RALYL: variants seen among roughly 807,000 people sequenced by gnomAD.
RALYL encodes the protein RALY RNA binding protein like.
In RALYL, 29 loss-of-function variants were observed where a neutral mutation model predicts 35.1. That is an observed-to-expected ratio of 0.83 (90% CI 0.61 to 1.13). The LOEUF is 1.13. Ranked by LOEUF, RALYL falls within the 50% of genes most tolerant of loss-of-function variation. The pLI, the probability that RALYL is intolerant of heterozygous loss-of-function variation, is 0.00. For synonymous variants in RALYL, 120 were observed against 127.6 expected, an observed-to-expected ratio of 0.94 and a Z score of 0.40; for missense variants, 359 against 360.4, an observed-to-expected ratio of 1.00 and a Z score of 0.03.
intron 2 of RALYL, among the ~76,000 whole-genome samples, chr8:84,763,043 C>T (rs1813066707): frequency 6.6e-6 from 1 of 152,136 alleles, no homozygotes; most frequent in Non-Finnish European, 1.5e-5. Flanking sequence ...TTGTATACTT[C>T]TCTCCACATG....
chr8:84,301,002 T>A (rs1840665442), intron 1 of RALYL, among the ~76,000 whole-genome samples: 1 of 152,102 alleles, frequency 6.6e-6, no homozygotes, highest in South Asian at 2.1e-4. Context: ...TATGTAAGTG[T>A]GTTTTTGGTG....
At chr8:84,436,330 G>A (rs947570766) in intron 1 of RALYL, among the ~76,000 whole-genome samples, 3 of 152,028 alleles carry the variant, frequency 2.0e-5, no homozygotes, top group Admixed American at 1.3e-4. Context: ...TAGAGAGGAA[G>A]CCAAGAATAA....
intron 1 of RALYL, among the ~76,000 whole-genome samples, chr8:84,326,980 C>T (rs1277809953): frequency 1.3e-5 from 2 of 152,168 alleles, no homozygotes; most frequent in African/African-American, 2.4e-5. Flanking sequence ...AACTAGCTGT[C>T]TCTGCCTCTG....
intron 1 of RALYL, among the ~76,000 whole-genome samples, chr8:84,461,972 C>T (rs2050840887): frequency 6.6e-6 from 1 of 151,654 alleles, no homozygotes; most frequent in Non-Finnish European, 1.5e-5. Context: ...GTGAGTTTTA[C>T]AAATCATAAT....
chr8:84,368,083 C>T (rs1023043016), intron 1 of RALYL, among the ~76,000 whole-genome samples: 32 of 152,150 alleles, frequency 2.1e-4, no homozygotes, highest in Admixed American at 3.3e-4. Flanking sequence ...TCGTGATACA[C>T]GCAGAAGTTT....
intron 2 of RALYL, among the ~76,000 whole-genome samples, chr8:84,651,733 C>T (rs998160865): frequency 2.6e-5 from 4 of 151,852 alleles, no homozygotes; most frequent in South Asian, 2.1e-4. Flanking sequence ...GAGAAATAGA[C>T]TTTTGAGAGA....
rs189770629 is a variant in RALYL at position 84,671,038 on chromosome 8, G to T, written c.257-103541G>T. 4.5e-3 allele frequency among the ~76,000 whole-genome samples: 688 copies of T among 152,270 alleles called. 2 individuals are homozygous for T. The highest frequency in any genetic ancestry group is 7.2e-3 in the Non-Finnish European group (489 of 68,016). ...TAGTTACTTCCTATATACAATGGGG[G>T]TACAGGCATTGGGTAAATACACCTG... On this transcript the variant is annotated intron_variant, in intron 2 of 8. Transcript: ENST00000521268.
At chr8:84,535,716 C>T (rs112885913) in intron 2 of RALYL, among the ~76,000 whole-genome samples, 3 of 151,418 alleles carry the variant, frequency 2.0e-5, no homozygotes, top group African/African-American at 4.8e-5. Flanking sequence ...CCTCGTGATC[C>T]GCCCACCTCG....
At chr8:84,540,182 T>A (rs1489371402) in intron 2 of RALYL, among the ~76,000 whole-genome samples, 1 of 151,830 alleles carries the variant, frequency 6.6e-6, no homozygotes, top group Non-Finnish European at 1.5e-5. Flanking sequence ...ATTTATTATC[T>A]TCCAATACGT....
At chr8:84,635,414 T>C (rs1415792798) in intron 2 of RALYL, among the ~76,000 whole-genome samples, 1 of 151,758 alleles carries the variant, frequency 6.6e-6, no homozygotes, top group Non-Finnish European at 1.5e-5. Flanking sequence ...GGCTTTTTGC[T>C]TTCTGGATAA....
chr8:84,878,650 T>C (rs951477469), intron 7 of RALYL, among the ~76,000 whole-genome samples: 1 of 150,834 alleles, frequency 6.6e-6, no homozygotes, highest in African/African-American at 2.4e-5. Context: ...GAAGATACTG[T>C]AATAAAAACA....
At chr8:84,884,875 C>T (rs891501399) in intron 7 of RALYL, among the ~76,000 whole-genome samples, 2 of 151,986 alleles carry the variant, frequency 1.3e-5, no homozygotes, top group African/African-American at 2.4e-5. Context: ...TTTGAACAAG[C>T]GGCAGGGTGA....
chr8:84,245,420 T>C (rs1197882393), intron 1 of RALYL, among the ~76,000 whole-genome samples: 2 of 152,118 alleles, frequency 1.3e-5, no homozygotes, highest in Admixed American at 6.6e-5. Flanking sequence ...TACCAGATTG[T>C]AAAAAATGTA....
At chr8:84,194,001 G>T (rs1389090119) in intron 1 of RALYL, among the ~76,000 whole-genome samples, 1 of 152,180 alleles carries the variant, frequency 6.6e-6, no homozygotes, top group African/African-American at 2.4e-5. Flanking sequence ...GGATGAAAAT[G>T]AATAGCAGAC....
chr8:84,319,667 CTAAGTGT>C (rs1332004625), intron 1 of RALYL, among the ~76,000 whole-genome samples: 1 of 152,002 alleles, frequency 6.6e-6, no homozygotes, highest in Non-Finnish European at 1.5e-5. Context: ...TTAATATTTG[CTAAGTGT>C]AAGTAAAGCT....
chr8:84,525,001 T>G (rs2058763598), intron 1 of RALYL, among the ~76,000 whole-genome samples: 1 of 92,688 alleles, frequency 1.1e-5, no homozygotes, highest in Middle Eastern at 5.6e-3. Context: ...TGTTAGCCTT[T>G]CGGGGTAGAG....
At chr8:84,719,327 A>C (rs1843467374) in intron 2 of RALYL, among the ~76,000 whole-genome samples, 1 of 152,178 alleles carries the variant, frequency 6.6e-6, no homozygotes, top group African/African-American at 2.4e-5. Context: ...ATTTGCCCCA[A>C]ATATGTTACT....
chr8:84,898,480 A>T (rs1845132716), intron 8 of RALYL, among the ~76,000 whole-genome samples: 1 of 152,206 alleles, frequency 6.6e-6, no homozygotes, highest in South Asian at 2.1e-4. Context: ...AAGGCTGAGA[A>T]CCACTGGGAT....
intron 6 of RALYL, among the ~76,000 whole-genome samples, chr8:84,869,569 G>T (rs1374670233): frequency 1.3e-5 from 2 of 152,124 alleles, no homozygotes; most frequent in African/African-American, 4.8e-5. Context: ...ATTCTGTGAT[G>T]CGGTGTGGGC....
Sources: gnomAD v4.1 joint callset for allele counts (sites outside exome capture counted in the v4.1 genomes callset) on GRCh38, gnomAD v4.1.1 for gene constraint, MANE v1.5 for transcripts, NCBI Gene and HGNC (gene_info 2026-07-23, HGNC 2026-07-21) for gene names.